Variants in IQCM observed in about 807,000 individuals in gnomAD.
IQCM encodes IQ domain-containing protein M.
Under a neutral mutation model 57.6 loss-of-function variants are expected in IQCM, and 45 were observed. The observed-to-expected ratio is 0.78, with a 90% CI of 0.62 to 1.00. The LOEUF (loss-of-function observed/expected upper bound fraction) is 1.00, where lower values mean the gene tolerates loss of function less well. Among genes scored for constraint, IQCM ranks in the 50% least tolerant of loss-of-function variants. IQCM has a pLI of 0.00. For synonymous variants in IQCM, 148 were observed against 158.9 expected (o/e 0.93, Z 0.51); for missense variants, 468 against 511.6 (o/e 0.91, Z 0.82).
At chr4:149,637,138 A>G (rs1757792953) in intron 7 of IQCM, among the ~76,000 whole-genome samples, 1 of 143,144 alleles carries the variant, frequency 7.0e-6, no homozygotes, top group Non-Finnish European at 1.5e-5. Context: ...CGACAGAGCG[A>G]GACTCCGTCT....
rs193227551 is a variant in IQCM, at chr4:149,644,173, T to A, written c.566-22929A>T. ...CCTTTTCTAGTAAATTAGGTTTTTTTAAAATCTACTATTGTAAAATATAAC... is the reference window on the plus strand; with the variant it reads ...CCTTTTCTAGTAAATTAGGTTTTTTAAAAATCTACTATTGTAAAATATAAC... On this transcript the variant is annotated intron_variant, in intron 7 of 13. Transcript: ENST00000636793. Among the ~76,000 whole-genome samples, 61 of 152,308 alleles carry A rather than the reference T, an allele frequency of 4.0e-4. No homozygotes were observed. The East Asian group carries it at 5.0e-3, about 13-fold the overall frequency.
chr4:149,699,031 C>T (rs975431395), intron 5 of IQCM, among the ~76,000 whole-genome samples: 3 of 151,964 alleles, frequency 2.0e-5, no homozygotes, highest in Admixed American at 6.6e-5. Flanking sequence ...ATTTTAATAA[C>T]ATGATATTAT....
intron 5 of IQCM, among the ~76,000 whole-genome samples, chr4:149,701,156 A>G (rs1763740952): frequency 6.6e-6 from 1 of 152,062 alleles, no homozygotes; most frequent in African/African-American, 2.4e-5. Flanking sequence ...GAGAACTGAA[A>G]GAATTCATTT....
chr4:149,474,692 G>T (rs1184763008), intron 12 of IQCM, among the ~76,000 whole-genome samples: 1 of 151,814 alleles, frequency 6.6e-6, no homozygotes, highest in Non-Finnish European at 1.5e-5. Flanking sequence ...ACTCCAGCCT[G>T]GGCAACAAGA....
chr4:149,354,009 A>T (rs928345492), intron 13 of IQCM, among the ~76,000 whole-genome samples: 1 of 152,200 alleles, frequency 6.6e-6, no homozygotes, highest in African/African-American at 2.4e-5. Context: ...TTTACTATTT[A>T]TATGTATCCC....
At chr4:149,799,869 A>T (rs1773449676) in intron 2 of IQCM, among the ~76,000 whole-genome samples, 1 of 151,372 alleles carries the variant, frequency 6.6e-6, no homozygotes, top group Admixed American at 6.6e-5. Flanking sequence ...AAAAACAAAA[A>T]AACAAAAAAA....
At chr4:149,742,408 G>A (rs1767538548) in intron 3 of IQCM, among the ~76,000 whole-genome samples, 1 of 152,036 alleles carries the variant, frequency 6.6e-6, no homozygotes, top group South Asian at 2.1e-4. Flanking sequence ...CAGTTCCTTA[G>A]TTTCACCAGC....
chr4:149,458,983 G>A (rs1235715812), intron 12 of IQCM, among the ~76,000 whole-genome samples: 1 of 152,114 alleles, frequency 6.6e-6, no homozygotes, highest in African/African-American at 2.4e-5. Flanking sequence ...GGTTTCTGTT[G>A]TTATTTTACT....
chr4:149,732,653 G>A (rs1431386096), intron 5 of IQCM, among the ~76,000 whole-genome samples: 1 of 152,000 alleles, frequency 6.6e-6, no homozygotes, highest in African/African-American at 2.4e-5. Context: ...AATAACGTAA[G>A]AGGAAAAAAA....
intron 7 of IQCM, among the ~76,000 whole-genome samples, chr4:149,654,235 T>C (rs891621542): frequency 6.6e-6 from 1 of 152,182 alleles, no homozygotes; most frequent in Non-Finnish European, 1.5e-5. Context: ...AAATATCTAC[T>C]GTATGATATG....
chr4:149,479,697 C>G (rs570398852), intron 12 of IQCM, among the ~76,000 whole-genome samples: 75 of 152,148 alleles, frequency 4.9e-4, no homozygotes, highest in Non-Finnish European at 1.9e-4. Flanking sequence ...GACATCTGCA[C>G]CAGGCAGGGA....
intron 13 of IQCM, among the ~76,000 whole-genome samples, chr4:149,402,003 T>C (rs1732649361): frequency 1.3e-5 from 2 of 151,884 alleles, no homozygotes; most frequent in Admixed American, 1.3e-4. Context: ...GATACACGGA[T>C]ATAAGTTGTA....
Position 149,502,344 on chromosome 4 carries a change from T to G in IQCM, c.1228+46111A>C, listed in dbSNP as rs114636557. On this transcript the variant is annotated intron_variant, in intron 12 of 13. Coordinates refer to ENST00000636793, the MANE Select transcript of IQCM (RefSeq NM_001363507.2). ...AAATAAAACACACTGAGAGGAAAAATTGTAAAAGCACAATGAGATAAGAGA... is the reference window on the plus strand; with the variant it reads ...AAATAAAACACACTGAGAGGAAAAAGTGTAAAAGCACAATGAGATAAGAGA... Among the ~76,000 whole-genome samples, 185 of 151,602 alleles carry G rather than the reference T, an allele frequency of 1.2e-3. 1 individual carries two copies. The highest frequency in any genetic ancestry group is 4.1e-3 in the African/African-American group (169 of 41,338).
chr4:149,503,909 T>C (rs1460821264), intron 12 of IQCM, among the ~76,000 whole-genome samples: 1 of 152,076 alleles, frequency 6.6e-6, no homozygotes, highest in East Asian at 1.9e-4. Flanking sequence ...AAGCTATTTT[T>C]CTAAGCATTT....
chr4:149,435,667 C>A (rs1236705541), intron 12 of IQCM, among the ~76,000 whole-genome samples: 1 of 151,514 alleles, frequency 6.6e-6, no homozygotes, highest in Non-Finnish European at 1.5e-5. Flanking sequence ...CAGCTTCATG[C>A]TGCTATTGGC....
At chr4:149,774,204 A>T (rs2149994476) in intron 2 of IQCM, among the ~76,000 whole-genome samples, 1 of 152,218 alleles carries the variant, frequency 6.6e-6, no homozygotes. Flanking sequence ...AATTTTTTTT[A>T]TTGTGGTAAA....
At chr4:149,458,343 A>G (rs964554332) in intron 12 of IQCM, among the ~76,000 whole-genome samples, 1 of 152,066 alleles carries the variant, frequency 6.6e-6, no homozygotes, top group Non-Finnish European at 1.5e-5. Context: ...AACAAAATAA[A>G]TTCAGGAAAA....
intron 12 of IQCM, among the ~76,000 whole-genome samples, chr4:149,509,392 C>T (rs1259474417): frequency 6.6e-6 from 1 of 152,002 alleles, no homozygotes; most frequent in East Asian, 1.9e-4. Flanking sequence ...GATTTTTCTG[C>T]CTCAGTCTCC....
In IQCM at chr4:149,404,905, A is replaced by G. The variant is rs139736860; in HGVS notation, c.1390+28491T>C. 2.0e-5 allele frequency among the ~76,000 whole-genome samples: 3 copies of G among 152,240 alleles called. No individual in the cohort carries two copies. In the East Asian group the frequency reaches 5.8e-4, roughly 29 times the overall value. ...GTAGAGAAATATATTTAACAGACAC[A>G]GACACCAATCTGTATTCTATATAGC... On this transcript the variant is annotated intron_variant, in intron 13 of 13. Coordinates refer to ENST00000636793, the MANE Select transcript of IQCM (RefSeq NM_001363507.2).
Sources: gnomAD v4.1 joint callset for allele counts (sites outside exome capture counted in the v4.1 genomes callset) on GRCh38, gnomAD v4.1.1 for gene constraint, MANE v1.5 for transcripts, NCBI Gene and HGNC (gene_info 2026-07-23, HGNC 2026-07-21) for gene names.